MAPK8IP3: variants seen among roughly 807,000 people sequenced by gnomAD.
MAPK8IP3 encodes mitogen-activated protein kinase 8 interacting protein 3, also known as C-Jun-amino-terminal kinase-interacting protein 3.
A neutral mutation model predicts 157.8 loss-of-function variants in MAPK8IP3; 49 were observed. The ratio of observed to expected loss-of-function variants is 0.31; its 90% CI spans 0.25 to 0.39. The LOEUF (loss-of-function observed/expected upper bound fraction) is 0.39. Ranked by LOEUF, MAPK8IP3 falls within the 10% of genes least tolerant of loss-of-function variation. The probability of loss-of-function intolerance (pLI) is 1.00; values close to 1 mark genes in which losing one functional copy is unlikely to be tolerated. For missense variants in MAPK8IP3, 1,478 were observed against 1,889.4 expected, an observed-to-expected ratio of 0.78 and a Z score of 4.04; for synonymous variants, 897 against 777.7, an observed-to-expected ratio of 1.15 and a Z score of -2.55.
intron 4 of MAPK8IP3, among the ~76,000 whole-genome samples, chr16:1,737,632 G>T (rs1292453179): frequency 1.1e-5 from 1 of 93,034 alleles, no homozygotes; most frequent in Non-Finnish European, 2.2e-5. Context: ...GACCATCCAT[G>T]TGAGCATCCG....
intron 20 of MAPK8IP3, 93 bp downstream of exon 20, chr16:1,765,271 G>C: frequency 2.1e-6 from 3 of 1,413,630 alleles, no homozygotes; most frequent in Admixed American, 4.4e-5. Context: ...CTGCCTTCTC[G>C]GGGTGTCCTG....
chr16:1,760,610 C>A (rs1358016629), intron 12 of MAPK8IP3, 78 bp downstream of exon 12: 4 of 1,526,500 alleles, frequency 2.6e-6, no homozygotes, highest in Non-Finnish European at 2.7e-6. Context: ...CCTCCAGTGC[C>A]TGCTCTCCAG....
chr16:1,744,265 T>C, intron 5 of MAPK8IP3: 1 of 985,646 alleles, frequency 1.0e-6, no homozygotes, highest in African/African-American at 1.7e-5. Context: ...CGTCAGAGGA[T>C]GTCCACAGAG....
At chr16:1,740,400 G>A (rs1291608918) in intron 4 of MAPK8IP3, among the ~76,000 whole-genome samples, 5 of 150,602 alleles carry the variant, frequency 3.3e-5, no homozygotes, top group African/African-American at 4.9e-5. Flanking sequence ...GTGACCGTCC[G>A]TGTGAGCGTG....
rs1313549674 is a variant in MAPK8IP3 at position 1,751,510 on chromosome 16, C to T, written c.1216+2790C>T. On this transcript the variant is annotated intron_variant, in intron 8 of 31. Transcript: ENST00000610761. This position sits in a 1 kb window ranked among gnomAD's most constrained non-coding sequence, Gnocchi z 5.0. ...GGTGAGATGACGGTGAGAGCTCGGA[C>T]TTGAACGCAGGTCCCACCCAGAACA... is the stretch of plus-strand genomic sequence containing the variant. 1.3e-5 allele frequency: 2 copies of T among 152,054 alleles called. No homozygotes were observed. The highest frequency in any genetic ancestry group is 2.4e-5 in the African/African-American group (1 of 41,386). The allele number at this position is 152,054 out of a possible 1,614,324, so 9.4% of individuals were successfully genotyped here.
In MAPK8IP3 at chr16:1,751,467, A is replaced by T. The variant is rs1596723377; in HGVS notation, c.1216+2747A>T. ...GGGAGAGGGACTCTGTCTCAAAAAA[A>T]AAACTGAGGTCAGGGAGGGTGAGAT... On this transcript the variant is annotated intron_variant, in intron 8 of 31. Transcript: ENST00000610761. This position sits in a 1 kb window ranked among gnomAD's most constrained non-coding sequence, Gnocchi z 5.0. The T allele has an allele frequency of 6.6e-6, 1 of 152,074 alleles. No individual in the cohort carries two copies. The highest frequency in any genetic ancestry group is 6.6e-5 in the Admixed American group (1 of 15,262). The allele number at this position is 152,074 out of a possible 1,614,324, so 9.4% of individuals were successfully genotyped here.
chr16:1,761,456 G>GCCACCAT (rs1159675013), intron 13 of MAPK8IP3, 151 bp downstream of exon 13: 34 of 625,550 alleles, frequency 5.4e-5, no homozygotes, highest in Non-Finnish European at 9.0e-5. Flanking sequence ...AGGCAGAGCG[G>GCCACCAT]CCACCATTCA....
intron 1 of MAPK8IP3, among the ~76,000 whole-genome samples, chr16:1,719,483 A>G (rs1404511139): frequency 6.6e-6 from 1 of 152,148 alleles, no homozygotes; most frequent in Non-Finnish European, 1.5e-5. Context: ...ATTAGATACT[A>G]GAAAGTACCA....
At chr16:1,729,038 A>G in intron 2 of MAPK8IP3, 100 bp from the exon 3 acceptor site, 1 of 1,178,780 alleles carries the variant, frequency 8.5e-7, no homozygotes, top group Non-Finnish European at 1.3e-6. Context: ...CCAGAGTCCC[A>G]GCCTTGTCCT....
intron 4 of MAPK8IP3, among the ~76,000 whole-genome samples, chr16:1,739,833 ACCGT>A (rs1475423950): frequency 1.9e-5 from 2 of 104,624 alleles, no homozygotes; most frequent in African/African-American, 7.8e-5. Context: ...CATCCGTGTG[ACCGT>A]CCGTGTGAGC....
chr16:1,733,988 G>T (rs933205171), intron 4 of MAPK8IP3, among the ~76,000 whole-genome samples: 2 of 152,244 alleles, frequency 1.3e-5, no homozygotes, highest in African/African-American at 2.4e-5. Context: ...GCCTTCCCCA[G>T]CCACGGACCC....
At position 1,740,255 on chromosome 16, in the gene MAPK8IP3, TGTGA is replaced by T. The variant is rs1342998542; in HGVS notation, c.603-3073_603-3070del. On this transcript the variant is annotated intron_variant, in intron 4 of 31. Transcript: ENST00000610761. Reference sequence around the variant, plus strand: ...GTGTGAGCATCTGTGTGACCGTTCGTGTGAGTGTGTGACCGTCCGTGTGAGTGTC... The same window carrying T: ...GTGTGAGCATCTGTGTGACCGTTCGTGTGTGTGACCGTCCGTGTGAGTGTC... Among the ~76,000 whole-genome samples the T allele has an allele frequency of 3.6e-3, 480 of 131,894 alleles. 7 individuals are homozygous for T. The highest frequency in any genetic ancestry group is 0.012 in the African/African-American group (398 of 34,324). 86.5% of individuals were successfully genotyped at this position (131,894 alleles called of 152,430 possible).
intron 4 of MAPK8IP3, among the ~76,000 whole-genome samples, chr16:1,740,659 C>G (rs550733599): frequency 6.6e-6 from 1 of 152,238 alleles, no homozygotes; most frequent in Non-Finnish European, 1.5e-5. Context: ...TGTGCTGTCG[C>G]TGCCGTGTGC....
At chr16:1,730,044 CAAAAAAA>C (rs58933347) in intron 4 of MAPK8IP3, among the ~76,000 whole-genome samples, 7,873 of 46,164 alleles carry the variant, frequency 0.17, 102 homozygotes, top group South Asian at 0.23. Flanking sequence ...CTTGTCTCTA[CAAAAAAA>C]AAAAAAAAAA....
Position 1,736,513 on chromosome 16 carries a change from T to TCCGTGTGAGCATCCGTGTGAGCGTGTGA in MAPK8IP3, c.603-6812_603-6811insAGCATCCGTGTGAGCGTGTGACCGTGTG, listed in dbSNP as rs1390793398. Among the ~76,000 whole-genome samples, 17 of 48,358 alleles carry TCCGTGTGAGCATCCGTGTGAGCGTGTGA rather than the reference T, an allele frequency of 3.5e-4. 1 individual carries two copies. Among genetic ancestry groups the TCCGTGTGAGCATCCGTGTGAGCGTGTGA allele is most frequent in the East Asian group, 1.8e-3 (2 of 1,136 alleles). 31.7% of individuals were successfully genotyped at this position (48,358 alleles called of 152,430 possible). A position where few individuals can be genotyped will look rare whatever the true frequency, so the allele number is the denominator to read the frequency against. ...GAGCGTCCGTGTGAGCGTGTGACCGTCCGTGTGTGACCGTCCGTGTGAGCA... is the reference window on the plus strand; with the variant it reads ...GAGCGTCCGTGTGAGCGTGTGACCGTCCGTGTGAGCATCCGTGTGAGCGTGTGACCGTGTGTGACCGTCCGTGTGAGCA... On this transcript the variant is annotated intron_variant, in intron 4 of 31. Coordinates refer to ENST00000610761, the MANE Select transcript of MAPK8IP3 (RefSeq NM_001318852.2).
rs571656175 is a variant in MAPK8IP3 at position 1,747,402 on chromosome 16, G to A, written c.994+127G>A. 352 of 1,368,922 alleles carry A rather than the reference G, an allele frequency of 2.6e-4. 1 individual carries two copies. The African/African-American group carries it at 4.2e-3, about 16-fold the overall frequency. 84.8% of individuals were successfully genotyped at this position (1,368,922 alleles called of 1,614,324 possible). On this transcript the variant is annotated intron_variant, in intron 6 of 31. Coordinates refer to ENST00000610761, the MANE Select transcript of MAPK8IP3 (RefSeq NM_001318852.2). ...AGAGACGTGTTCCTCACAGCCCGGA[G>A]GCTGGGGTCCAAGATCAAGGCGCTG... is the stretch of plus-strand genomic sequence containing the variant.
At chr16:1,757,217 G>T (rs2041655620) in intron 8 of MAPK8IP3, among the ~76,000 whole-genome samples, 1 of 152,042 alleles carries the variant, frequency 6.6e-6, no homozygotes. Flanking sequence ...CCACTCTCCT[G>T]CCTCAGCCGC....
rs114732288 is a variant in MAPK8IP3 at position 1,743,187 on chromosome 16, C to T, written c.603-145C>T. On this transcript the variant is annotated intron_variant, in intron 4 of 31. Coordinates refer to ENST00000610761, the MANE Select transcript of MAPK8IP3 (RefSeq NM_001318852.2). The surrounding 1 kb of genome is among the most constrained non-coding windows in gnomAD (Gnocchi z 5.6). ...TGGGAGGGGAAGCGCCACGTAGGAT[C>T]ATAACTGAGTAGCTGCTCGAGCTGG... is the stretch of plus-strand genomic sequence containing the variant. 7.7e-4 allele frequency: 870 copies of T among 1,133,280 alleles called. 5 individuals carry two copies. In the African/African-American group the frequency reaches 0.013, roughly 17 times the overall value. The allele number at this position is 1,133,280 out of a possible 1,614,324, so 70.2% of individuals were successfully genotyped here. A position where few individuals can be genotyped will look rare whatever the true frequency, so the allele number is the denominator to read the frequency against.
chr16:1,722,759 C>T (rs939379837), intron 1 of MAPK8IP3, among the ~76,000 whole-genome samples: 2 of 152,112 alleles, frequency 1.3e-5, no homozygotes, highest in East Asian at 1.9e-4. Context: ...GGCTGGAGTG[C>T]GGTGGCGCTA....
Sources: allele counts gnomAD v4.1 joint callset (sites outside exome capture counted in the v4.1 genomes callset), GRCh38; gene constraint gnomAD v4.1.1; non-coding constraint Gnocchi (gnomAD v3.1); transcripts MANE v1.5; gene names NCBI Gene and HGNC (gene_info 2026-07-23, HGNC 2026-07-21).